CACNA2D1: variants seen among roughly 807,000 people sequenced by gnomAD.
CACNA2D1 encodes calcium voltage-gated channel auxiliary subunit alpha2delta 1, also known as voltage-dependent calcium channel subunit alpha-2/delta-1.
A neutral mutation model predicts 171.5 loss-of-function variants in CACNA2D1; 53 were observed. The observed-to-expected ratio is 0.31, with a 90% CI of 0.25 to 0.39. CACNA2D1 has a LOEUF of 0.39. Among genes scored for constraint, CACNA2D1 ranks in the 10% least tolerant of loss-of-function variants. The pLI is 1.00. For missense variants in CACNA2D1, 903 were observed against 1,299.8 expected, an observed-to-expected ratio of 0.69 and a Z score of 4.69; for synonymous variants, 442 against 443.1, an observed-to-expected ratio of 1.00 and a Z score of 0.03.
Position 82,050,152 on chromosome 7 carries a change from G to A in CACNA2D1, c.879+10276C>T, listed in dbSNP as rs1044122386. 1.2e-4 allele frequency among the ~76,000 whole-genome samples: 19 copies of A among 152,292 alleles called. No homozygotes were observed. In the East Asian group the frequency reaches 3.7e-3, roughly 29 times the overall value. ...AAAGCACATAGGAAATGGAACAATTGAAATCATCTCTTACTTGCCTACACA... is the reference window on the plus strand; with the variant it reads ...AAAGCACATAGGAAATGGAACAATTAAAATCATCTCTTACTTGCCTACACA... On this transcript the variant is annotated intron_variant, in intron 10 of 38. Transcript: ENST00000356860.
At chr7:82,103,982 A>G (rs1197614508) in intron 6 of CACNA2D1, among the ~76,000 whole-genome samples, 1 of 152,088 alleles carries the variant, frequency 6.6e-6, no homozygotes. Flanking sequence ...CAAAGTGAAT[A>G]ATTTCATATT....
At chr7:82,029,469 T>C (rs1031445167) in intron 12 of CACNA2D1, 1 of 151,802 alleles carries the variant, frequency 6.6e-6, no homozygotes, top group Non-Finnish European at 1.5e-5. Flanking sequence ...CCTGTGTGTG[T>C]GCGCACAACT....
chr7:82,294,073 CA>C (rs1478402080), intron 3 of CACNA2D1, among the ~76,000 whole-genome samples: 3 of 151,950 alleles, frequency 2.0e-5, no homozygotes, highest in Non-Finnish European at 4.4e-5. Context: ...TATTTTATTC[CA>C]ATGGGGCATT....
intron 26 of CACNA2D1, among the ~76,000 whole-genome samples, chr7:81,971,437 T>C (rs1186149831): frequency 6.6e-6 from 1 of 151,618 alleles, no homozygotes; most frequent in African/African-American, 2.4e-5. Context: ...ATACTCAGAT[T>C]TTCTCAACTG....
intron 5 of CACNA2D1, among the ~76,000 whole-genome samples, chr7:82,128,578 C>T (rs1036251529): frequency 4.6e-5 from 7 of 152,120 alleles, no homozygotes; most frequent in Admixed American, 2.6e-4. Context: ...ACCTTGGAGG[C>T]CATGCATCAT....
At chr7:81,951,801 ATGCGCAAG>A (rs1233548866) in intron 38 of CACNA2D1, among the ~76,000 whole-genome samples, 1 of 151,964 alleles carries the variant, frequency 6.6e-6, no homozygotes, top group African/African-American at 2.4e-5. Context: ...ATAAACATGC[ATGCGCAAG>A]TGTCTTTTTC....
intron 1 of CACNA2D1, among the ~76,000 whole-genome samples, chr7:82,434,136 G>A (rs10215919): frequency 0.027 from 4,062 of 152,266 alleles, 178 homozygotes; most frequent in African/African-American, 0.091. Flanking sequence ...AAGAAAAGCA[G>A]AAAATGACTT....
intron 7 of CACNA2D1, among the ~76,000 whole-genome samples, chr7:82,072,499 A>C (rs1169404988): frequency 6.6e-6 from 1 of 151,798 alleles, no homozygotes; most frequent in Non-Finnish European, 1.5e-5. Context: ...CATGGTCCCA[A>C]GTAATCAGTT....
intron 1 of CACNA2D1, among the ~76,000 whole-genome samples, chr7:82,356,294 C>T (rs1203486976): frequency 1.3e-5 from 2 of 152,150 alleles, no homozygotes; most frequent in South Asian, 2.1e-4. Flanking sequence ...ATCCAACCAA[C>T]CTCACACATT....
At chr7:81,976,414 T>A (rs1206486585) in intron 24 of CACNA2D1, among the ~76,000 whole-genome samples, 1 of 152,216 alleles carries the variant, frequency 6.6e-6, no homozygotes, top group African/African-American at 2.4e-5. Context: ...TTCTCTTACT[T>A]CTTTGAGCAG....
intron 18 of CACNA2D1, among the ~76,000 whole-genome samples, chr7:82,003,971 C>T (rs1333617584): frequency 1.3e-5 from 2 of 152,144 alleles, no homozygotes; most frequent in African/African-American, 4.8e-5. Context: ...TCTCCAACTC[C>T]TGCCCTCAGG....
Position 82,443,299 on chromosome 7 carries a change from C to A in CACNA2D1, c.95+66G>T. 2.7e-6 allele frequency: 4 copies of A among 1,499,588 alleles called. No homozygotes were observed. The South Asian group carries it at 4.8e-5, about 18-fold the overall frequency. The allele number at this position is 1,499,588 out of a possible 1,614,324, so 92.9% of individuals were successfully genotyped here. A position where few individuals can be genotyped will look rare whatever the true frequency, so the allele number is the denominator to read the frequency against. On this transcript the variant is annotated intron_variant, in intron 1 of 38. Transcript: ENST00000356860. Reference sequence around the variant, plus strand: ...CGGAAAAGCCCCGCGACTCGGGAACCGACCCCCACCCCCAACTCCCGCGGC... The same window carrying A: ...CGGAAAAGCCCCGCGACTCGGGAACAGACCCCCACCCCCAACTCCCGCGGC...
intron 4 of CACNA2D1, among the ~76,000 whole-genome samples, chr7:82,137,532 G>T (rs1299670000): frequency 6.6e-6 from 1 of 151,842 alleles, no homozygotes; most frequent in Non-Finnish European, 1.5e-5. Flanking sequence ...ACTACGATGT[G>T]AACACATATT....
At chr7:82,322,451 C>CAAAAAAAAA (rs11440104) in intron 3 of CACNA2D1, among the ~76,000 whole-genome samples, 8 of 103,894 alleles carry the variant, frequency 7.7e-5, no homozygotes, top group Admixed American at 2.1e-4. Context: ...CCTGGCTTTA[C>CAAAAAAAAA]AAAAAAAAAA....
At chr7:82,114,078 C>T (rs1788743418) in intron 6 of CACNA2D1, among the ~76,000 whole-genome samples, 1 of 151,998 alleles carries the variant, frequency 6.6e-6, no homozygotes, top group Non-Finnish European at 1.5e-5. Context: ...TTATCTGTAG[C>T]TATTTACAAA....
chr7:82,058,899 T>C (rs548846295), intron 10 of CACNA2D1, among the ~76,000 whole-genome samples: 35 of 152,266 alleles, frequency 2.3e-4, no homozygotes, highest in African/African-American at 8.4e-4. Context: ...GCCAGGAACC[T>C]TGCCTTATAG....
rs528877970 is a variant in CACNA2D1 at position 82,016,819 on chromosome 7, T to C, written c.1144-2340A>G. On this transcript the variant is annotated intron_variant, in intron 12 of 38. Transcript: ENST00000356860. ...CTTTTGTAAACCTCTTTGTTCTTTT[T>C]CTTGCATAGGTTCTTGGCTACTTAA... Among the ~76,000 whole-genome samples the C allele has an allele frequency of 3.9e-5, 6 of 152,216 alleles. No homozygotes were observed. The East Asian group carries it at 5.8e-4, about 15-fold the overall frequency.
intron 9 of CACNA2D1, 152 bp downstream of exon 9, chr7:82,064,152 A>C (rs1807310612): frequency 2.0e-6 from 1 of 508,124 alleles, no homozygotes; most frequent in African/African-American, 1.9e-5. Flanking sequence ...TATTGTCTTG[A>C]TATGGCTTCA....
At position 82,243,525 on chromosome 7, in the gene CACNA2D1, T is replaced by C. The variant is rs534320469; in HGVS notation, c.295-72916A>G. On this transcript the variant is annotated intron_variant, in intron 3 of 38. Coordinates refer to ENST00000356860, the MANE Select transcript of CACNA2D1 (RefSeq NM_000722.4). ...GAGTAGTTAATATTAATCAATTTGTTATAAAAGTAACCAACAATGACTAAA... is the reference window on the plus strand; with the variant it reads ...GAGTAGTTAATATTAATCAATTTGTCATAAAAGTAACCAACAATGACTAAA... 2.8e-4 allele frequency among the ~76,000 whole-genome samples: 42 copies of C among 152,324 alleles called. 1 individual carries two copies. Among genetic ancestry groups the C allele is most frequent in the Admixed American group, 2.6e-4 (4 of 15,302 alleles).
Sources: allele counts gnomAD v4.1 joint callset (sites outside exome capture counted in the v4.1 genomes callset), GRCh38; gene constraint gnomAD v4.1.1; transcripts MANE v1.5; gene names NCBI Gene and HGNC (gene_info 2026-07-23, HGNC 2026-07-21).